Variants in SACS observed in about 807,000 individuals in gnomAD.
SACS encodes sacsin molecular chaperone.
In SACS, 197 loss-of-function variants were observed where a neutral mutation model predicts 348.0. That is an observed-to-expected ratio of 0.57 (90% CI 0.50 to 0.64). The LOEUF (loss-of-function observed/expected upper bound fraction) is 0.64, where lower values mean the gene tolerates loss of function less well. Among genes scored for constraint, SACS ranks in the 30% least tolerant of loss-of-function variants. The pLI, the probability that SACS is intolerant of heterozygous loss-of-function variation, is 0.00. For missense variants in SACS, 4,999 were observed against 5,360.8 expected, an observed-to-expected ratio of 0.93 and a Z score of 2.11; for synonymous variants, 1,985 against 1,910.6, an observed-to-expected ratio of 1.04 and a Z score of -1.02.
chr13:23,369,144 G>A (rs1202072109), intron 4 of SACS, among the ~76,000 whole-genome samples: 1 of 152,196 alleles, frequency 6.6e-6, no homozygotes, highest in Non-Finnish European at 1.5e-5. Context: ...GTTATTTTGT[G>A]GCTGCTTTGC....
At chr13:23,358,299 T>A (rs1477112280) in intron 7 of SACS, 36 bp downstream of exon 7, 2 of 1,601,018 alleles carry the variant, frequency 1.2e-6, no homozygotes, top group Non-Finnish European at 1.7e-6. Flanking sequence ...GATATAATAT[T>A]TTCTAATACC....
intron 2 of SACS, among the ~76,000 whole-genome samples, chr13:23,408,536 C>T (rs769287732): frequency 5.3e-4 from 80 of 152,316 alleles, no homozygotes; most frequent in South Asian, 6.2e-4. Flanking sequence ...AACTGCTTTT[C>T]CCACAATATT....
Position 23,335,134 on chromosome 13 carries a change from C to T in SACS, c.8742G>A (p.Met2914Ile). 6.2e-7 allele frequency: 1 copy of T among 1,613,898 alleles called. No individual in the cohort carries two copies. Among genetic ancestry groups the T allele is most frequent in the African/African-American group, 1.3e-5 (1 of 75,006 alleles). ...GVRSDWNNSL[M>I]TALIAPAYVE... ...CATATGCAGGAGCTATTAATGCTGT[C>T]ATTAAACTGTTATTCCAGTCACTTC... The change falls in exon 10 of 10, where the codon ATG becomes ATA. Residue 2914 changes from methionine (M) to isoleucine (I), a missense_variant. By Grantham distance (10) the Met-to-Ile change is conservative (BLOSUM62 1). Transcript: ENST00000382292. This position sits in a 1 kb window ranked among gnomAD's most constrained non-coding sequence, Gnocchi z 4.7.
intron 3 of SACS, among the ~76,000 whole-genome samples, chr13:23,371,460 A>G (rs1358343910): frequency 6.6e-6 from 1 of 152,264 alleles, no homozygotes; most frequent in Non-Finnish European, 1.5e-5. Context: ...TAACATAAAC[A>G]AAATCATTCT....
At chr13:23,379,290 C>A (rs1424973026) in intron 2 of SACS, among the ~76,000 whole-genome samples, 1 of 152,222 alleles carries the variant, frequency 6.6e-6, no homozygotes, top group Non-Finnish European at 1.5e-5. Flanking sequence ...TGTTCATTCA[C>A]GTCATAAAAT....
intron 2 of SACS, among the ~76,000 whole-genome samples, chr13:23,408,161 A>C (rs1374057930): frequency 6.6e-6 from 1 of 152,040 alleles, no homozygotes; most frequent in Admixed American, 6.6e-5. Flanking sequence ...ACATTCATCA[A>C]ATGAAGCCCC....
rs528727903 is a variant in SACS, at chr13:23,330,105, C to CT, written c.*30_*31insA. 1,691 of 1,591,792 alleles carry CT rather than the reference C, an allele frequency of 1.1e-3. 5 individuals are homozygous for CT. The highest frequency in any genetic ancestry group is 4.0e-3 in the Middle Eastern group (23 of 5,772). ...CAATTTATTCGTGCTACAACACATT[C>CT]AAGATCTACCTTTTTTTTCGTTAAA... On this transcript the variant is annotated 3_prime_UTR_variant, in exon 10 of 10. Transcript: ENST00000382292.
rs2137573846 is a variant in SACS, at chr13:23,333,315, G to A, written c.10561C>T (p.Leu3521=). The change falls in exon 10 of 10, where the codon CTG becomes TTG. Residue 3521 remains leucine (L), a synonymous_variant. Transcript: ENST00000382292. ...TCATGGATTATCAATAAACTTTCCAGTTTTTCAAAAAGTTGTTCCTTAATC... is the reference window on the plus strand; with the variant it reads ...TCATGGATTATCAATAAACTTTCCAATTTTTCAAAAAGTTGTTCCTTAATC... The part of the protein sequence containing the change: ...SEIKEQLFEK[L]ESLLIIHDAN... The A allele has an allele frequency of 1.9e-6, 3 of 1,603,522 alleles. No individual in the cohort carries two copies. The highest frequency in any genetic ancestry group is 2.5e-6 in the Non-Finnish European group (3 of 1,176,642).
At chr13:23,356,062 A>G in intron 7 of SACS, 55 bp from the exon 8 acceptor site, 1 of 1,390,230 alleles carries the variant, frequency 7.2e-7, no homozygotes, top group East Asian at 2.5e-5. Context: ...GACAATTATG[A>G]TTACAATTAT....
intron 4 of SACS, among the ~76,000 whole-genome samples, chr13:23,368,979 G>C (rs758533688): frequency 1.3e-5 from 2 of 152,168 alleles, no homozygotes; most frequent in East Asian, 1.9e-4. Context: ...GATTCCAGGC[G>C]TGAGCCACCA....
At chr13:23,389,974 A>G (rs1340065608) in intron 2 of SACS, among the ~76,000 whole-genome samples, 1 of 152,148 alleles carries the variant, frequency 6.6e-6, no homozygotes, top group Non-Finnish European at 1.5e-5. Context: ...TCTGATATTT[A>G]TATTTCCTAC....
chr13:23,356,689 C>A (rs1471691395), intron 7 of SACS, among the ~76,000 whole-genome samples: 3 of 152,214 alleles, frequency 2.0e-5, no homozygotes, highest in Non-Finnish European at 4.4e-5. Context: ...ATGTGTGAGA[C>A]CCACTGTGAT....
At position 23,340,991 on chromosome 13, in the gene SACS, A is replaced by G; in HGVS notation, c.2885T>C (p.Leu962Pro). 1 of 1,614,166 alleles carries G rather than the reference A, an allele frequency of 6.2e-7. No individual in the cohort carries two copies. The highest frequency in any genetic ancestry group is 8.5e-7 in the Non-Finnish European group (1 of 1,179,996). The stretch of plus-strand genomic sequence containing the variant: ...ACTACTGTCTATTACTGAAATAGAA[A>G]GTCGCAGATCTGCTGGGAGTTTGGC... ...HTAKLPADLRLSISVIDSSDE... is the reference protein window; with the variant it reads ...HTAKLPADLRPSISVIDSSDE... The change falls in exon 10 of 10, where the codon CTT (leucine) becomes CCT (proline). Residue 962 changes from leucine to proline, a missense_variant. Leu to Pro is a moderately conservative substitution (Grantham distance 98). Coordinates refer to ENST00000382292, the MANE Select transcript of SACS (RefSeq NM_014363.6).
intron 7 of SACS, among the ~76,000 whole-genome samples, chr13:23,357,049 A>T (rs1870437058): frequency 1.3e-5 from 2 of 152,192 alleles, no homozygotes; most frequent in African/African-American, 2.4e-5. Context: ...ATGACCTATG[A>T]CCTATGACCT....
At chr13:23,380,029 T>A (rs1871979081) in intron 2 of SACS, among the ~76,000 whole-genome samples, 1 of 152,144 alleles carries the variant, frequency 6.6e-6, no homozygotes, top group Admixed American at 6.5e-5. Context: ...TCACATGACA[T>A]CGTTGATTCT....
rs1196209727 is a variant in SACS at position 23,337,344 on chromosome 13, G to C, written c.6532C>G (p.His2178Asp). Residue 2178 changes from histidine (H) to aspartate (D), a missense_variant, in exon 10 of 10, where the codon CAT (histidine) becomes GAT (aspartate). By Grantham distance (81) the His-to-Asp change is moderately conservative. This residue lies in a region of SACS where 3,156 missense variants were observed against 3,380.1 expected (regional missense o/e 0.93). Coordinates refer to ENST00000382292, the MANE Select transcript of SACS (RefSeq NM_014363.6). ...CTACTTCTTAGGCATGCAGCAACAT[G>C]ATCACTTTTATTAATTTCAGCTACT... ...VSVAEINKSD[H>D]VAACLRSSIL... 1 of 1,613,754 alleles carries C rather than the reference G, an allele frequency of 6.2e-7. No individual in the cohort carries two copies. The highest frequency in any genetic ancestry group is 1.7e-5 in the Admixed American group (1 of 59,976).
At chr13:23,428,715 T>C (rs1262592413) in intron 1 of SACS, 1 of 152,172 alleles carries the variant, frequency 6.6e-6, no homozygotes, top group Non-Finnish European at 1.5e-5. Flanking sequence ...GAAAAATATA[T>C]AAATTATTCC....
intron 9 of SACS, among the ~76,000 whole-genome samples, chr13:23,346,335 G>A (rs567013073): frequency 1.3e-5 from 2 of 152,152 alleles, no homozygotes; most frequent in South Asian, 2.1e-4. Flanking sequence ...TAGTAGAGAC[G>A]AGGTTTTACC....
chr13:23,405,150 A>T (rs540123746), intron 2 of SACS, among the ~76,000 whole-genome samples: 1 of 152,346 alleles, frequency 6.6e-6, no homozygotes, highest in South Asian at 2.1e-4. Flanking sequence ...ACATTACCAG[A>T]CTTCAAACTA....
Sources: gnomAD v4.1 joint callset for allele counts (sites outside exome capture counted in the v4.1 genomes callset) on GRCh38, gnomAD v4.1.1 for gene constraint, gnomAD v4.1.1 regional missense constraint, Gnocchi (gnomAD v3.1) non-coding constraint, MANE v1.5 for transcripts, NCBI Gene and HGNC (gene_info 2026-07-23, HGNC 2026-07-21) for gene names.